FZD6: variants seen among roughly 807,000 people sequenced by gnomAD.
The protein encoded by FZD6 is frizzled-6.
A neutral mutation model predicts 61.4 loss-of-function variants in FZD6; 49 were observed. The ratio of observed to expected loss-of-function variants is 0.80; its 90% CI spans 0.63 to 1.01. The LOEUF (loss-of-function observed/expected upper bound fraction) is 1.01, where lower values mean the gene tolerates loss of function less well. Ranked by LOEUF, FZD6 falls within the 50% of genes least tolerant of loss-of-function variation. The probability of loss-of-function intolerance (pLI) is 0.00; values close to 1 mark genes in which losing one functional copy is unlikely to be tolerated. For synonymous variants in FZD6, 265 were observed against 292.2 expected (o/e 0.91, Z 0.95); for missense variants, 724 against 848.2 (o/e 0.85, Z 1.82).
intron 4 of FZD6, among the ~76,000 whole-genome samples, chr8:103,326,705 AAAC>A (rs1563693803): frequency 2.5e-5 from 1 of 40,182 alleles, no homozygotes; most frequent in Non-Finnish European, 4.9e-5. Context: ...AAAAAAAAAC[AAAC>A]AAACAATCCA....
At chr8:103,326,163 ACT>A (rs1345989619) in intron 4 of FZD6, among the ~76,000 whole-genome samples, 5 of 152,102 alleles carry the variant, frequency 3.3e-5, no homozygotes, top group African/African-American at 9.7e-5. Flanking sequence ...ATTATTCCTG[ACT>A]CTGTGCGGTA....
intron 2 of FZD6, among the ~76,000 whole-genome samples, chr8:103,310,942 C>A (rs1156697185): frequency 6.6e-6 from 1 of 152,178 alleles, no homozygotes; most frequent in Non-Finnish European, 1.5e-5. Flanking sequence ...AGATCACTTG[C>A]AAACCATTCT....
chr8:103,329,030 T>TATATATATATATATATATATATGC (rs1815045954), intron 5 of FZD6, among the ~76,000 whole-genome samples: 1 of 145,964 alleles, frequency 6.9e-6, no homozygotes, highest in Non-Finnish European at 1.5e-5. Flanking sequence ...TATATATATA[T>TATATATATATATATATATATATGC]ATGCACACAC....
intron 2 of FZD6, among the ~76,000 whole-genome samples, chr8:103,316,999 AG>A (rs1461700447): frequency 2.0e-5 from 3 of 152,272 alleles, no homozygotes; most frequent in Admixed American, 1.3e-4. Flanking sequence ...TAAATAAACT[AG>A]TACATAATGA....
At chr8:103,329,601 C>T in intron 5 of FZD6, 54 bp from the exon 6 acceptor site, 1 of 1,366,924 alleles carries the variant, frequency 7.3e-7, no homozygotes, top group Non-Finnish European at 1.0e-6. Context: ...ATATCCTCTA[C>T]TTTATAGCCA....
chr8:103,310,380 A>G (rs543179140), intron 2 of FZD6, among the ~76,000 whole-genome samples: 1 of 152,220 alleles, frequency 6.6e-6, no homozygotes, highest in African/African-American at 2.4e-5. Context: ...AGTGAACCTC[A>G]GGCCTCAGCC....
At chr8:103,331,005 A>G (rs561203270) in intron 6 of FZD6, among the ~76,000 whole-genome samples, 31 of 152,264 alleles carry the variant, frequency 2.0e-4, no homozygotes, top group South Asian at 4.1e-4. Flanking sequence ...GTGAAACCCC[A>G]TCTCTACTGA....
In FZD6 at chr8:103,324,537, T is replaced by C. The variant is rs1814882384; in HGVS notation, c.431T>C (p.Leu144Pro). Residue 144 changes from leucine to proline, a missense_variant, in exon 4 of 7, where the codon CTT becomes CCT. By Grantham distance (98) the Leu-to-Pro change is moderately conservative. Coordinates refer to ENST00000358755, the MANE Select transcript of FZD6 (RefSeq NM_003506.4). ...PVTFDPHTEF[L>P]GPQKKTEQVQ... is the part of the protein sequence containing the mutation. Reference sequence around the variant, plus strand: ...ACTTTTGATCCACACACAGAATTTCTTGGTCCTCAGAAGAAAACAGAACAA... The same window carrying C: ...ACTTTTGATCCACACACAGAATTTCCTGGTCCTCAGAAGAAAACAGAACAA... 2 of 1,612,072 alleles carry C rather than the reference T, an allele frequency of 1.2e-6. No homozygotes were observed. Among genetic ancestry groups the C allele is most frequent in the Non-Finnish European group, 1.7e-6 (2 of 1,178,264 alleles).
intron 3 of FZD6, among the ~76,000 whole-genome samples, chr8:103,320,347 T>G (rs1261037092): frequency 7.1e-6 from 1 of 140,998 alleles, no homozygotes; most frequent in Non-Finnish European, 1.6e-5. Context: ...TGTTGAGAAC[T>G]TCTCCAGCTG....
chr8:103,323,797 C>T (rs1814860881), intron 3 of FZD6, among the ~76,000 whole-genome samples: 2 of 152,156 alleles, frequency 1.3e-5, no homozygotes, highest in South Asian at 4.1e-4. Flanking sequence ...ACAAACTCAA[C>T]TTAGTGATAA....
Position 103,300,278 on chromosome 8 carries a change from A to T in FZD6, c.171A>T (p.Glu57Asp). Residue 57 changes from glutamate (E) to aspartate (D), a missense_variant, in exon 2 of 7, where the codon GAA becomes GAT. Glu to Asp is a conservative substitution (Grantham distance 45). Coordinates refer to ENST00000358755, the MANE Select transcript of FZD6 (RefSeq NM_003506.4). Reference sequence around the variant, plus strand: ...ATGACCAGAGTATTGCCGCGGTGGAAATGGAGGTGAGTAGTGCTTCATACG... The same window carrying T: ...ATGACCAGAGTATTGCCGCGGTGGATATGGAGGTGAGTAGTGCTTCATACG... Reference protein sequence around the residue: ...GHYDQSIAAVEMEHFLPLANL... With the variant: ...GHYDQSIAAVDMEHFLPLANL... 1.2e-6 allele frequency: 2 copies of T among 1,604,580 alleles called. No individual in the cohort carries two copies. Among genetic ancestry groups the T allele is most frequent in the Non-Finnish European group, 1.7e-6 (2 of 1,171,288 alleles).
intron 4 of FZD6, among the ~76,000 whole-genome samples, chr8:103,327,608 T>C (rs1226390023): frequency 6.6e-6 from 1 of 151,630 alleles, no homozygotes; most frequent in Non-Finnish European, 1.5e-5. Flanking sequence ...AAAATAAAAA[T>C]AAAATAAAAA....
In FZD6 at chr8:103,300,212, G is replaced by T; in HGVS notation, c.105G>T (p.Met35Ile). 1 of 1,609,882 alleles carries T rather than the reference G, an allele frequency of 6.2e-7. No homozygotes were observed. The highest frequency in any genetic ancestry group is 8.5e-7 in the Non-Finnish European group (1 of 1,176,126). Reference protein sequence around the residue: ...EPITVPRCMKMAYNMTFFPNL... With the variant: ...EPITVPRCMKIAYNMTFFPNL... The stretch of plus-strand genomic sequence containing the variant: ...TTACTGTTCCCAGATGTATGAAAAT[G>T]GCCTACAACATGACGTTTTTCCCTA... The change falls in exon 2 of 7, where the codon ATG becomes ATT. Residue 35 changes from methionine to isoleucine, a missense_variant. Physicochemically the swap from Met to Ile is conservative, Grantham distance 10. Coordinates refer to ENST00000358755, the MANE Select transcript of FZD6 (RefSeq NM_003506.4).
At chr8:103,321,312 T>C (rs945727204) in intron 3 of FZD6, among the ~76,000 whole-genome samples, 3 of 152,222 alleles carry the variant, frequency 2.0e-5, no homozygotes, top group African/African-American at 7.2e-5. Context: ...CCCATTAATA[T>C]AAAGCAAACC....
At position 103,329,953 on chromosome 8, in the gene FZD6, G is replaced by A. The variant is rs746927610; in HGVS notation, c.1840G>A (p.Asp614Asn). ...GASTPRLREQ[D>N]CGEPASPAAS... ...TAGCACCCCCAGGTTAAGAGAACAGGACTGTGGTGAACCTGCCTCGCCAGC... is the reference window on the plus strand; with the variant it reads ...TAGCACCCCCAGGTTAAGAGAACAGAACTGTGGTGAACCTGCCTCGCCAGC... Residue 614 changes from aspartate to asparagine, a missense_variant, in exon 6 of 7, where the codon GAC (aspartate) becomes AAC (asparagine). Asp to Asn is a conservative substitution (Grantham distance 23). Coordinates refer to ENST00000358755, the MANE Select transcript of FZD6 (RefSeq NM_003506.4). 6.2e-7 allele frequency: 1 copy of A among 1,614,148 alleles called. No homozygotes were observed. The highest frequency in any genetic ancestry group is 2.2e-5 in the East Asian group (1 of 44,888).
At chr8:103,299,469 A>T (rs1048250648) in intron 1 of FZD6, among the ~76,000 whole-genome samples, 2 of 152,186 alleles carry the variant, frequency 1.3e-5, no homozygotes, top group African/African-American at 4.8e-5. Context: ...GTCTCCCTCT[A>T]GTTGGCCTTA....
In FZD6 at chr8:103,325,081, G is replaced by C; in HGVS notation, c.975G>C (p.Val325=). ...GTGAAGCCATCGAGCAAAAAGCAGTGTGGTTTCATGCTGTTGCATGGGGAA... is the reference window on the plus strand; with the variant it reads ...GTGAAGCCATCGAGCAAAAAGCAGTCTGGTTTCATGCTGTTGCATGGGGAA... The part of the protein sequence containing the change: ...WSCEAIEQKA[V]WFHAVAWGTP... The change falls in exon 4 of 7, where the codon GTG becomes GTC. Residue 325 remains valine, a synonymous_variant. Coordinates refer to ENST00000358755, the MANE Select transcript of FZD6 (RefSeq NM_003506.4). 1.2e-6 allele frequency: 2 copies of C among 1,614,198 alleles called. No individual in the cohort carries two copies. The highest frequency in any genetic ancestry group is 1.7e-6 in the Non-Finnish European group (2 of 1,180,016).
In FZD6 at chr8:103,324,801, G is replaced by A; in HGVS notation, c.695G>A (p.Arg232Lys). ...GTTAGAAGATTCAGATACCCAGAGA[G>A]ACCAATTATATATTACTCTGTCTGT... ...IDVRRFRYPERPIIYYSVCYS... is the reference protein window; with the variant it reads ...IDVRRFRYPEKPIIYYSVCYS... The change falls in exon 4 of 7, where the codon AGA becomes AAA. Residue 232 changes from arginine to lysine, a missense_variant. Transcript: ENST00000358755. 1 of 1,612,954 alleles carries A rather than the reference G, an allele frequency of 6.2e-7. No individual in the cohort carries two copies. The highest frequency in any genetic ancestry group is 8.5e-7 in the Non-Finnish European group (1 of 1,178,982).
chr8:103,303,185 T>C (rs887416132), intron 2 of FZD6, among the ~76,000 whole-genome samples: 5 of 152,162 alleles, frequency 3.3e-5, no homozygotes, highest in Admixed American at 2.6e-4. Flanking sequence ...TCTCATCTTG[T>C]ACCTTCCCAC....
Sources: gnomAD v4.1 joint callset for allele counts (sites outside exome capture counted in the v4.1 genomes callset) on GRCh38, gnomAD v4.1.1 for gene constraint, MANE v1.5 for transcripts, NCBI Gene and HGNC (gene_info 2026-07-23, HGNC 2026-07-21) for gene names.